Variants in CEP63 observed in about 807,000 individuals in gnomAD.
CEP63 encodes the protein centrosomal protein 63.
A neutral mutation model predicts 89.1 loss-of-function variants in CEP63; 84 were observed. That is an observed-to-expected ratio of 0.94 (90% CI 0.79 to 1.13). The LOEUF (loss-of-function observed/expected upper bound fraction) is 1.13, where lower values mean the gene tolerates loss of function less well. Ranked by LOEUF, CEP63 falls within the 50% of genes most tolerant of loss-of-function variation. The probability of loss-of-function intolerance (pLI) is 0.00; values close to 1 mark genes in which losing one functional copy is unlikely to be tolerated. For synonymous variants in CEP63, 267 were observed against 272.5 expected (o/e 0.98, Z 0.20); for missense variants, 838 against 813.3 (o/e 1.03, Z -0.37).
chr3:134,706,585 C>G, the CEP63 span, among the ~76,000 whole-genome samples: 1 of 152,180 alleles, frequency 6.6e-6, no homozygotes, highest in African/African-American at 2.4e-5. Context: ...CTCATCAACT[C>G]TCCCCTTGAT....
chr3:134,658,852 T>C, the CEP63 span, among the ~76,000 whole-genome samples: 1 of 152,174 alleles, frequency 6.6e-6, no homozygotes, highest in Non-Finnish European at 1.5e-5. Context: ...CCGATCAGAG[T>C]CATAAGCCAC....
the CEP63 span, among the ~76,000 whole-genome samples, chr3:134,775,367 A>G: frequency 1.3e-5 from 2 of 152,142 alleles, no homozygotes; most frequent in African/African-American, 2.4e-5. Flanking sequence ...TGTAACAAAG[A>G]GTTAGTGTCC....
downstream of CEP63, among the ~76,000 whole-genome samples, chr3:134,576,877 C>T (rs191093114): frequency 7.2e-5 from 11 of 152,182 alleles, no homozygotes; most frequent in South Asian, 4.2e-4. Context: ...CCTGTGTTCA[C>T]GGGCTTCTCA....
chr3:134,644,599 T>G, the CEP63 span, among the ~76,000 whole-genome samples: 5 of 152,222 alleles, frequency 3.3e-5, no homozygotes, highest in African/African-American at 7.2e-5. Context: ...GGCTTGTCAC[T>G]GGAAGTGACC....
chr3:134,773,034 A>C, the CEP63 span, among the ~76,000 whole-genome samples: 3 of 152,194 alleles, frequency 2.0e-5, no homozygotes, highest in Admixed American at 2.0e-4. Flanking sequence ...CTTCTGTCAC[A>C]GGCCCCCTGA....
chr3:134,780,297 C>A, the CEP63 span, among the ~76,000 whole-genome samples: 2 of 152,140 alleles, frequency 1.3e-5, no homozygotes, highest in African/African-American at 4.8e-5. Flanking sequence ...TTCATTTCAG[C>A]CATTTTAACT....
rs1957373018 is a variant in CEP63, at chr3:134,561,790, A to G, written c.*255A>G. The G allele has an allele frequency of 7.8e-7, 1 of 1,282,478 alleles. No individual in the cohort carries two copies. The highest frequency in any genetic ancestry group is 1.7e-5 in the South Asian group (1 of 59,706). 79.4% of individuals were successfully genotyped at this position (1,282,478 alleles called of 1,614,324 possible). ...AGACTTTTTTCTCATACGAATATTTATTATCATAAAGTGATACTTACCTTG... is the reference window on the plus strand; with the variant it reads ...AGACTTTTTTCTCATACGAATATTTGTTATCATAAAGTGATACTTACCTTG... On this transcript the variant is annotated 3_prime_UTR_variant, in exon 15 of 15. Transcript: ENST00000675561.
chr3:134,615,544 T>C, the CEP63 span: 1 of 150,550 alleles, frequency 6.6e-6, no homozygotes, highest in Non-Finnish European at 1.5e-5. Context: ...AGCTCTTTTG[T>C]AAATCAAGAT....
At chr3:134,781,351 T>C in the CEP63 span, among the ~76,000 whole-genome samples, 1 of 152,248 alleles carries the variant, frequency 6.6e-6, no homozygotes. Flanking sequence ...GTTATTTAAA[T>C]GTTGTTTAAT....
At chr3:134,592,469 G>GGTGTGTGTGTGTGTGTGTGTGT (rs34973626), downstream of CEP63, among the ~76,000 whole-genome samples, 827 of 125,180 alleles carry the variant, frequency 6.6e-3, 25 homozygotes, top group Admixed American at 0.013. Context: ...TCTGCAAACT[G>GGTGTGTGTGTGTGTGTGTGTGT]GTGTGTGTGT....
At chr3:134,778,854 G>A in the CEP63 span, among the ~76,000 whole-genome samples, 192 of 152,136 alleles carry the variant, frequency 1.3e-3, no homozygotes, top group African/African-American at 4.0e-3. Flanking sequence ...GCCACCGCGC[G>A]GCCATTTTTG....
At chr3:134,553,367 T>TGTA (rs1266159817) in intron 12 of CEP63, 2 of 152,102 alleles carry the variant, frequency 1.3e-5, no homozygotes, top group African/African-American at 4.8e-5. Context: ...AGTTTCTGGA[T>TGTA]GGTAAAAGGC....
chr3:134,659,993 C>T, the CEP63 span, among the ~76,000 whole-genome samples: 2 of 152,216 alleles, frequency 1.3e-5, no homozygotes, highest in African/African-American at 4.8e-5. Flanking sequence ...ACAAGGCGAG[C>T]TGGACAGGAA....
the CEP63 span, among the ~76,000 whole-genome samples, chr3:134,635,304 C>A: frequency 1.3e-5 from 2 of 151,984 alleles, no homozygotes; most frequent in African/African-American, 4.8e-5. Context: ...TGAGACAAGC[C>A]TGGCCAATAT....
the CEP63 span, chr3:134,607,102 A>G: frequency 4.1e-6 from 4 of 985,456 alleles, no homozygotes; most frequent in Non-Finnish European, 4.8e-6. Context: ...ACTCAATGAC[A>G]TCAGTTTGGT....
Position 134,564,370 on chromosome 3 carries a change from C to T in CEP63, c.*2835C>T, listed in dbSNP as rs772538220. ...CTAAAACTCCCCCTTTACTTGGCTA[C>T]TTTATCTGGCTTGGCAAAGCTTTCC... On this transcript the variant is annotated 3_prime_UTR_variant, in exon 15 of 15. Coordinates refer to ENST00000675561, the MANE Select transcript of CEP63 (RefSeq NM_001353108.3). 2.0e-6 allele frequency: 2 copies of T among 985,422 alleles called. No homozygotes were observed. Among genetic ancestry groups the T allele is most frequent in the Non-Finnish European group, 2.4e-6 (2 of 830,032 alleles). The allele number at this position is 985,422 out of a possible 1,614,324, so 61.0% of individuals were successfully genotyped here.
chr3:134,627,615 C>T, the CEP63 span: 4 of 688,762 alleles, frequency 5.8e-6, no homozygotes, highest in South Asian at 3.4e-5. Flanking sequence ...TCAATCATGA[C>T]ACTCTTCCCC....
At chr3:134,713,148 C>T in the CEP63 span, among the ~76,000 whole-genome samples, 6 of 152,180 alleles carry the variant, frequency 3.9e-5, no homozygotes, top group African/African-American at 1.2e-4. Flanking sequence ...TTTCTCCTAC[C>T]CCAAGGTCCT....
chr3:134,610,366 C>T, the CEP63 span: 1 of 1,612,522 alleles, frequency 6.2e-7, no homozygotes, highest in Non-Finnish European at 8.5e-7. Context: ...CACGGTCATA[C>T]ACTGCACTCC....
Sources: gnomAD v4.1 joint callset for allele counts (sites outside exome capture counted in the v4.1 genomes callset) on GRCh38, gnomAD v4.1.1 for gene constraint, MANE v1.5 for transcripts, NCBI Gene and HGNC (gene_info 2026-07-23, HGNC 2026-07-21) for gene names.